Variants in MAP3K13 observed in about 807,000 individuals in gnomAD.
The protein encoded by MAP3K13 is mitogen-activated protein kinase kinase kinase 13.
In MAP3K13, 52 loss-of-function variants were observed where a neutral mutation model predicts 104.0. The observed-to-expected ratio is 0.50, with a 90% confidence interval of 0.40 to 0.63. MAP3K13 has a LOEUF of 0.63. MAP3K13 is among the 20% of genes least tolerant of loss of function. The probability of loss-of-function intolerance (pLI) is 0.00; values close to 1 mark genes in which losing one functional copy is unlikely to be tolerated. For missense variants in MAP3K13, 914 were observed against 1,218.5 expected, an observed-to-expected ratio of 0.75 and a Z score of 3.72; for synonymous variants, 394 against 442.2, an observed-to-expected ratio of 0.89 and a Z score of 1.37.
At chr3:185,345,000 T>A (rs1722864159) in intron 2 of MAP3K13, among the ~76,000 whole-genome samples, 1 of 151,906 alleles carries the variant, frequency 6.6e-6, no homozygotes, top group South Asian at 2.1e-4. Context: ...GTAGCTGGGA[T>A]TACAGGCATG....
Position 185,284,621 on chromosome 3 carries a change from G to A in MAP3K13, c.-204-904G>A, listed in dbSNP as rs138795352. ...ATCCCAGCTACTTGGGAGCTGAGGC[G>A]CGAGAATCGCTTGAAGCCGGGAGGG... On this transcript the variant is annotated intron_variant, in intron 1 of 14. Transcript: ENST00000424227. Among the ~76,000 whole-genome samples the A allele has an allele frequency of 7.4e-3, 1,130 of 152,174 alleles. 10 individuals carry two copies. The highest frequency in any genetic ancestry group is 0.023 in the African/African-American group (957 of 41,524).
At chr3:185,302,891 G>A (rs1721158280) in intron 2 of MAP3K13, among the ~76,000 whole-genome samples, 1 of 152,136 alleles carries the variant, frequency 6.6e-6, no homozygotes, top group African/African-American at 2.4e-5. Flanking sequence ...AGTGGTGAAG[G>A]TGGGCATCCT....
rs938250540 is a variant in MAP3K13, at chr3:185,483,235, A to G, written c.*779A>G. 4.3e-6 allele frequency: 1 copy of G among 232,956 alleles called. No individual in the cohort carries two copies. Among genetic ancestry groups the G allele is most frequent in the Non-Finnish European group, 8.5e-6 (1 of 117,826 alleles). The allele number at this position is 232,956 out of a possible 1,614,324, so 14.4% of individuals were successfully genotyped here. ...AATGTTTAAGCAGCAGTTGGTAGTG[A>G]GGTTTACAGATAGTGTCAAATCTTG... On this transcript the variant is annotated 3_prime_UTR_variant, in exon 14 of 14. Transcript: ENST00000265026.
At chr3:185,287,862 C>T (rs1720583472) in intron 2 of MAP3K13, among the ~76,000 whole-genome samples, 1 of 152,026 alleles carries the variant, frequency 6.6e-6, no homozygotes, top group Non-Finnish European at 1.5e-5. Flanking sequence ...ATGGAGAAAC[C>T]CCATCTCAAC....
rs543288271 is a variant in MAP3K13, at chr3:185,455,884, T to TGA, written c.1278+4490_1278+4491dup. On this transcript the variant is annotated intron_variant, in intron 7 of 13. Transcript: ENST00000265026. ...ATATATGAGATATAGATGAGATATA[T>TGA]GATATAGATGAGATATATATGATAT... Among the ~76,000 whole-genome samples the TGA allele has an allele frequency of 1.8e-3, 220 of 124,972 alleles. 2 individuals are homozygous for TGA. The highest frequency in any genetic ancestry group is 4.6e-3 in the African/African-American group (146 of 31,642). 82.0% of individuals were successfully genotyped at this position (124,972 alleles called of 152,430 possible). A position where few individuals can be genotyped will look rare whatever the true frequency, so the allele number is the denominator to read the frequency against.
intron 10 of MAP3K13, among the ~76,000 whole-genome samples, chr3:185,468,365 G>T (rs998385175): frequency 6.6e-6 from 1 of 151,928 alleles, no homozygotes; most frequent in African/African-American, 2.4e-5. Flanking sequence ...ATGTATTTTG[G>T]GATAGTTTAA....
rs753496412 is a variant in MAP3K13, at chr3:185,447,889, G to A, written c.952G>A (p.Ala318Thr). The change falls in exon 5 of 14, where the codon GCA becomes ACA. Residue 318 changes from alanine to threonine, a missense_variant. Physicochemically the swap from Ala to Thr is moderately conservative, Grantham distance 58 (BLOSUM62 0). This residue lies in a region of MAP3K13 where 175 missense variants were observed against 321.3 expected (regional missense o/e 0.54). Coordinates refer to ENST00000265026, the MANE Select transcript of MAP3K13 (RefSeq NM_004721.5). ...STKMSFAGTV[A>T]WMAPEVIRNE... The stretch of plus-strand genomic sequence containing the variant: ...CAAGATGTCATTTGCTGGCACGGTC[G>A]CATGGATGGCGCCAGAGGTGATACG... 6.2e-7 allele frequency: 1 copy of A among 1,613,946 alleles called. No homozygotes were observed. Among genetic ancestry groups the A allele is most frequent in the Admixed American group, 1.7e-5 (1 of 59,996 alleles).
intron 2 of MAP3K13, among the ~76,000 whole-genome samples, chr3:185,343,650 A>G (rs143434562): frequency 9.1e-4 from 138 of 152,128 alleles, no homozygotes; most frequent in African/African-American, 3.2e-3. Context: ...ATGGGGTTTC[A>G]CCGTGTTGGC....
In MAP3K13 at chr3:185,454,250, T is replaced by TGA. The variant is rs200781341; in HGVS notation, c.1278+2856_1278+2857dup. On this transcript the variant is annotated intron_variant, in intron 7 of 13. Transcript: ENST00000265026. ...ATGATACATATATATGAGATATATA[T>TGA]GATACATATATGAGATATATATCAT... Among the ~76,000 whole-genome samples, 2 of 89,908 alleles carry TGA rather than the reference T, an allele frequency of 2.2e-5. 1 individual carries two copies. Among genetic ancestry groups the TGA allele is most frequent in the Admixed American group, 3.2e-4 (2 of 6,348 alleles). 59.0% of individuals were successfully genotyped at this position (89,908 alleles called of 152,430 possible).
At chr3:185,300,753 A>G (rs1201968943) in intron 2 of MAP3K13, among the ~76,000 whole-genome samples, 1 of 151,936 alleles carries the variant, frequency 6.6e-6, no homozygotes, top group Non-Finnish European at 1.5e-5. Context: ...CAGCCTCCCA[A>G]AGTGCTGGGA....
At chr3:185,404,783 G>A (rs1168381891) in intron 1 of MAP3K13, among the ~76,000 whole-genome samples, 3 of 152,044 alleles carry the variant, frequency 2.0e-5, no homozygotes, top group Non-Finnish European at 4.4e-5. Flanking sequence ...CACCATGTTG[G>A]CCAGGCTGGT....
chr3:185,311,942 C>T (rs1393480337), intron 2 of MAP3K13, among the ~76,000 whole-genome samples: 2 of 152,206 alleles, frequency 1.3e-5, no homozygotes, highest in African/African-American at 2.4e-5. Flanking sequence ...TAGGGCTTCA[C>T]GTATCAACAT....
chr3:185,443,528 G>A lies in MAP3K13; in HGVS notation c.743G>A (p.Gly248Asp). Residue 248 changes from glycine (G) to aspartate (D), a missense_variant, in exon 4 of 14, where the codon GGC becomes GAC. Physicochemically the swap from Gly to Asp is moderately conservative, Grantham distance 94 (BLOSUM62 -1). This residue lies in a region of MAP3K13 where 175 missense variants were observed against 321.3 expected (regional missense o/e 0.54). Transcript: ENST00000265026. Reference sequence around the variant, plus strand: ...CAACTCTACGAGGTCTTACGAGCTGGCAGGAAGATCACACCTCGATTGCTA... The same window carrying A: ...CAACTCTACGAGGTCTTACGAGCTGACAGGAAGATCACACCTCGATTGCTA... ...HGQLYEVLRA[G>D]RKITPRLLVD... 1 of 1,614,082 alleles carries A rather than the reference G, an allele frequency of 6.2e-7. No homozygotes were observed. Among genetic ancestry groups the A allele is most frequent in the Non-Finnish European group, 8.5e-7 (1 of 1,179,954 alleles).
At chr3:185,342,665 G>A (rs575694454) in intron 2 of MAP3K13, among the ~76,000 whole-genome samples, 1 of 152,156 alleles carries the variant, frequency 6.6e-6, no homozygotes, top group Non-Finnish European at 1.5e-5. Context: ...TTTATTAGGT[G>A]CTTTTTGTAA....
chr3:185,468,538 G>A (rs536828060), intron 10 of MAP3K13, among the ~76,000 whole-genome samples: 97 of 152,272 alleles, frequency 6.4e-4, no homozygotes, highest in African/African-American at 2.3e-3. Flanking sequence ...AGGGAAGGAA[G>A]GTCCCTAAAC....
chr3:185,470,842 C>G (rs1019463971), intron 10 of MAP3K13, among the ~76,000 whole-genome samples: 22 of 152,194 alleles, frequency 1.4e-4, no homozygotes, highest in African/African-American at 5.3e-4. Flanking sequence ...AACTTTACTT[C>G]TCAACATAAG....
chr3:185,477,419 A>T, intron 12 of MAP3K13, 23 bp downstream of exon 12: 1 of 1,583,628 alleles, frequency 6.3e-7, no homozygotes, highest in African/African-American at 1.3e-5. Context: ...AATGCACACG[A>T]TTGCTTTTAG....
intron 2 of MAP3K13, among the ~76,000 whole-genome samples, chr3:185,288,540 GTATA>G (rs140801777): frequency 1.6e-4 from 23 of 140,118 alleles, no homozygotes; most frequent in Admixed American, 1.4e-3. Flanking sequence ...GTGTTTGTGT[GTATA>G]TATATATTCC....
At chr3:185,291,564 AT>A (rs2108673135) in intron 2 of MAP3K13, 1 of 1,477,422 alleles carries the variant, frequency 6.8e-7, no homozygotes, top group African/African-American at 1.4e-5. Context: ...CCTTAAAAAA[AT>A]TATTAGACTT....
Sources: gnomAD v4.1 joint callset for allele counts (sites outside exome capture counted in the v4.1 genomes callset) on GRCh38, gnomAD v4.1.1 for gene constraint, gnomAD v4.1.1 regional missense constraint, MANE v1.5 for transcripts, NCBI Gene and HGNC (gene_info 2026-07-23, HGNC 2026-07-21) for gene names.